SYN3: variants seen among roughly 807,000 people sequenced by gnomAD.
SYN3 encodes the protein synapsin III.
In SYN3, 35 loss-of-function variants were observed where a neutral mutation model predicts 65.8. The ratio of observed to expected loss-of-function variants is 0.53; its 90% confidence interval spans 0.41 to 0.70. The LOEUF is 0.70. Among genes scored for constraint, SYN3 ranks in the 30% least tolerant of loss-of-function variants. SYN3 has a pLI of 0.00. For missense variants in SYN3, 680 were observed against 749.0 expected (o/e 0.91, Z 1.08); for synonymous variants, 270 against 292.9 (o/e 0.92, Z 0.80).
intron 7 of SYN3, among the ~76,000 whole-genome samples, chr22:32,544,005 C>A (rs1215339067): frequency 6.6e-6 from 1 of 152,192 alleles, no homozygotes. Context: ...GTGGCATGAT[C>A]ATGGCTCACT....
At position 32,674,840 on chromosome 22, in the gene SYN3, C is replaced by T. The variant is rs370405648; in HGVS notation, c.712-78104G>A. Among the ~76,000 whole-genome samples, 644 of 152,308 alleles carry T rather than the reference C, an allele frequency of 4.2e-3. 2 individuals carry two copies. The highest frequency in any genetic ancestry group is 0.014 in the African/African-American group (574 of 41,556). ...GTATCATCACTAGCTTAGATTGATA[C>T]GTTAACGTGTACCAGACACCAAAAC... On this transcript the variant is annotated intron_variant, in intron 6 of 13. Coordinates refer to ENST00000358763, the MANE Select transcript of SYN3 (RefSeq NM_003490.4).
At chr22:33,054,119 G>A (rs997456296) in intron 1 of SYN3, among the ~76,000 whole-genome samples, 12 of 152,148 alleles carry the variant, frequency 7.9e-5, no homozygotes, top group African/African-American at 2.7e-4. Flanking sequence ...ATTAAAGAAT[G>A]ATCCAAAGCT....
At chr22:32,800,120 A>C (rs2046528199) in intron 6 of SYN3, among the ~76,000 whole-genome samples, 1 of 152,206 alleles carries the variant, frequency 6.6e-6, no homozygotes, top group Non-Finnish European at 1.5e-5. Flanking sequence ...TCTCTCACGA[A>C]TTCTTCGGCC....
intron 1 of SYN3, among the ~76,000 whole-genome samples, chr22:33,047,243 C>T (rs1252220863): frequency 2.0e-5 from 3 of 152,100 alleles, no homozygotes; most frequent in Admixed American, 6.6e-5. Context: ...TGAGGGTAAC[C>T]TTATCTGTAC....
At chr22:32,683,931 C>T (rs5749490) in intron 6 of SYN3, among the ~76,000 whole-genome samples, 93,856 of 152,038 alleles carry the variant, frequency 0.62, 29,481 homozygotes, top group African/African-American at 0.73. Flanking sequence ...TCTCTTGCTA[C>T]TGGGGCCCTC....
intron 6 of SYN3, among the ~76,000 whole-genome samples, chr22:32,614,106 A>T (rs2059482972): frequency 6.6e-6 from 1 of 152,198 alleles, no homozygotes; most frequent in African/African-American, 2.4e-5. Flanking sequence ...GGCACAAAGC[A>T]CTCAGCTGGG....
chr22:32,546,565 TC>T (rs1257738710), intron 7 of SYN3, among the ~76,000 whole-genome samples: 1 of 152,030 alleles, frequency 6.6e-6, no homozygotes, highest in Non-Finnish European at 1.5e-5. Flanking sequence ...TGGAGGGGAC[TC>T]TGGGATGGTC....
intron 6 of SYN3, among the ~76,000 whole-genome samples, chr22:32,703,381 G>C (rs893864234): frequency 6.6e-6 from 1 of 152,186 alleles, no homozygotes; most frequent in African/African-American, 2.4e-5. Context: ...GCTCATGCCT[G>C]TAATCCCAGC....
intron 9 of SYN3, among the ~76,000 whole-genome samples, chr22:32,536,347 G>C (rs968059806): frequency 6.6e-6 from 1 of 152,236 alleles, no homozygotes; most frequent in Non-Finnish European, 1.5e-5. Context: ...GGAAGGACAG[G>C]TGTTCCTCCC....
chr22:32,823,817 C>A (rs1021999475), intron 6 of SYN3, among the ~76,000 whole-genome samples: 5 of 152,096 alleles, frequency 3.3e-5, no homozygotes, highest in Non-Finnish European at 5.9e-5. Flanking sequence ...GCAAGTCACT[C>A]TGCCTCCAGA....
At chr22:32,743,538 T>C (rs1432877012) in intron 6 of SYN3, among the ~76,000 whole-genome samples, 4 of 152,176 alleles carry the variant, frequency 2.6e-5, no homozygotes, top group Non-Finnish European at 5.9e-5. Context: ...CCATGCTGCC[T>C]GCTGCCCACC....
intron 7 of SYN3, 140 bp downstream of exon 7, chr22:32,596,534 G>C: frequency 1.3e-6 from 1 of 778,778 alleles, no homozygotes; most frequent in Non-Finnish European, 2.1e-6. Flanking sequence ...AGGGGAAGGA[G>C]ATGTACTATG....
At chr22:32,807,110 C>T (rs1045722017) in intron 6 of SYN3, among the ~76,000 whole-genome samples, 4 of 150,612 alleles carry the variant, frequency 2.7e-5, no homozygotes, top group Non-Finnish European at 5.9e-5. Context: ...TGACTGCCCC[C>T]CTGGCTTTCC....
chr22:32,761,277 A>C (rs776015836), intron 6 of SYN3, among the ~76,000 whole-genome samples: 1 of 152,210 alleles, frequency 6.6e-6, no homozygotes, highest in Non-Finnish European at 1.5e-5. Flanking sequence ...GTTGATTACC[A>C]AAAGCTCTCT....
rs564183751 is a variant in SYN3 at position 32,526,928 on chromosome 22, C to T, written c.1318+990G>A. Among the ~76,000 whole-genome samples, 7 of 152,230 alleles carry T rather than the reference C, an allele frequency of 4.6e-5. No homozygotes were observed. In the East Asian group the frequency reaches 1.4e-3, roughly 29 times the overall value. On this transcript the variant is annotated intron_variant, in intron 12 of 13. Coordinates refer to ENST00000358763, the MANE Select transcript of SYN3 (RefSeq NM_003490.4). ...CCATGCTGGTGCCAGAGCGAGTGTG[C>T]CCAGGAGGTTTTGATTGCAAGAGAG... is the stretch of plus-strand genomic sequence containing the variant.
intron 4 of SYN3, among the ~76,000 whole-genome samples, chr22:32,913,652 A>G (rs957426009): frequency 7.2e-5 from 11 of 152,162 alleles, no homozygotes; most frequent in Non-Finnish European, 1.3e-4. Flanking sequence ...GGACAAGAAT[A>G]TAAAGTGACA....
intron 1 of SYN3, among the ~76,000 whole-genome samples, chr22:33,020,547 T>G (rs2053543227): frequency 6.6e-6 from 1 of 152,154 alleles, no homozygotes; most frequent in Non-Finnish European, 1.5e-5. Flanking sequence ...AAAGCAATCT[T>G]TTTGCTCAGT....
At chr22:32,999,184 C>A (rs2052985109) in intron 2 of SYN3, among the ~76,000 whole-genome samples, 1 of 152,130 alleles carries the variant, frequency 6.6e-6, no homozygotes, top group Admixed American at 6.5e-5. Context: ...TTAAGTTACA[C>A]AAGGGAGGTC....
At chr22:32,517,899 T>A in intron 13 of SYN3, 144 bp downstream of exon 13, 1 of 894,100 alleles carries the variant, frequency 1.1e-6, no homozygotes, top group African/African-American at 1.7e-5. Flanking sequence ...AATTCTGTCC[T>A]CTAGTCCTGT....
Sources: gnomAD v4.1 joint callset for allele counts (sites outside exome capture counted in the v4.1 genomes callset) on GRCh38, gnomAD v4.1.1 for gene constraint, MANE v1.5 for transcripts, NCBI Gene and HGNC (gene_info 2026-07-23, HGNC 2026-07-21) for gene names.